The following RBMS3 variants were observed in gnomAD, a reference collection of about 807,000 sequenced individuals.
RBMS3 encodes RNA binding motif single stranded interacting protein 3.
A neutral mutation model predicts 66.8 loss-of-function variants in RBMS3; 27 were observed. The ratio of observed to expected loss-of-function variants is 0.40; its 90% CI spans 0.30 to 0.56. The LOEUF is 0.56. Ranked by LOEUF, RBMS3 falls within the 20% of genes least tolerant of loss-of-function variation. The pLI is 0.40. For synonymous variants in RBMS3, 188 were observed against 183.0 expected (o/e 1.03, Z -0.22); for missense variants, 513 against 549.5 (o/e 0.93, Z 0.66).
At chr3:30,003,330 G>C (rs1424621872) in intron 14 of RBMS3, among the ~76,000 whole-genome samples, 1 of 151,954 alleles carries the variant, frequency 6.6e-6, no homozygotes. Flanking sequence ...GTAAAATATA[G>C]TTCCTGCTCT....
chr3:29,593,686 A>T (rs531364880), intron 4 of RBMS3, among the ~76,000 whole-genome samples: 1 of 147,274 alleles, frequency 6.8e-6, no homozygotes, highest in African/African-American at 2.7e-5. Context: ...CCCCATGGGG[A>T]CAAGGGCTGT....
intron 3 of RBMS3, among the ~76,000 whole-genome samples, chr3:29,550,314 G>C (rs78554096): frequency 0.016 from 2,429 of 152,194 alleles, 27 homozygotes; most frequent in Admixed American, 0.036. Flanking sequence ...ACATTTCATA[G>C]GGCTGCCAGA....
chr3:29,564,796 C>G (rs545510135), intron 3 of RBMS3, among the ~76,000 whole-genome samples: 1 of 152,142 alleles, frequency 6.6e-6, no homozygotes, highest in Admixed American at 6.5e-5. Flanking sequence ...ATTCATCCTG[C>G]TGTAATGTGT....
At chr3:29,720,317 T>C (rs1439132673) in intron 4 of RBMS3, among the ~76,000 whole-genome samples, 1 of 152,202 alleles carries the variant, frequency 6.6e-6, no homozygotes, top group Non-Finnish European at 1.5e-5. Flanking sequence ...ATTTTCTCAT[T>C]TACTTGGGAA....
At chr3:29,962,796 G>A (rs976933117) in intron 12 of RBMS3, among the ~76,000 whole-genome samples, 1 of 151,870 alleles carries the variant, frequency 6.6e-6, no homozygotes, top group Non-Finnish European at 1.5e-5. Flanking sequence ...TCTCTCAACT[G>A]AGGCCCAAAT....
chr3:29,919,289 A>T (rs2060711130), intron 10 of RBMS3, among the ~76,000 whole-genome samples: 1 of 152,172 alleles, frequency 6.6e-6, no homozygotes, highest in South Asian at 2.1e-4. Context: ...TGAATTATCC[A>T]TCCATGGCAT....
chr3:29,484,275 C>A (rs916606205), intron 2 of RBMS3, among the ~76,000 whole-genome samples: 1 of 152,186 alleles, frequency 6.6e-6, no homozygotes, highest in African/African-American at 2.4e-5. Flanking sequence ...CAAAGTACCA[C>A]AGACTGGGTG....
chr3:29,826,237 T>A (rs1204884349), intron 6 of RBMS3, among the ~76,000 whole-genome samples: 1 of 152,196 alleles, frequency 6.6e-6, no homozygotes, highest in Admixed American at 6.5e-5. Context: ...CTTATGCCTT[T>A]ATAAGCTGTG....
At chr3:29,551,247 C>T (rs1315183766) in intron 3 of RBMS3, among the ~76,000 whole-genome samples, 1 of 152,056 alleles carries the variant, frequency 6.6e-6, no homozygotes, top group African/African-American at 2.4e-5. Flanking sequence ...TGAGATTTGT[C>T]CATCATCTCT....
intron 10 of RBMS3, among the ~76,000 whole-genome samples, chr3:29,910,114 A>G (rs1442161953): frequency 6.6e-6 from 1 of 152,112 alleles, no homozygotes; most frequent in African/African-American, 2.4e-5. Flanking sequence ...ATATAATTCA[A>G]ATAGAAATAA....
intron 5 of RBMS3, among the ~76,000 whole-genome samples, chr3:29,762,209 T>C (rs200653609): frequency 1.3e-5 from 2 of 152,276 alleles, no homozygotes; most frequent in East Asian, 3.9e-4. Context: ...CAAAATTCAA[T>C]ATTGAGAAAG....
chr3:29,826,753 A>G (rs945919375), intron 6 of RBMS3, among the ~76,000 whole-genome samples: 4 of 152,154 alleles, frequency 2.6e-5, no homozygotes, highest in African/African-American at 9.6e-5. Context: ...GATCACCTCC[A>G]TGTTGCCCAT....
chr3:29,991,194 C>A lies in RBMS3; in HGVS notation c.1292C>A (p.Ser431Tyr). Residue 431 changes from serine to tyrosine, a missense_variant, in exon 14 of 15, where the codon TCT (serine) becomes TAT (tyrosine). Transcript: ENST00000383767. ...DTSNEHAPAYSYQQSKP is the reference protein window; with the variant it reads ...DTSNEHAPAYYYQQSKP ...TCCAACGAACATGCACCTGCATATT[C>A]TTACCAACAGTCTAAGTAAGTCTGG... The A allele has an allele frequency of 6.2e-7, 1 of 1,614,174 alleles. No individual in the cohort carries two copies. The highest frequency in any genetic ancestry group is 8.5e-7 in the Non-Finnish European group (1 of 1,180,038).
chr3:29,432,495 A>G (rs2041245821), intron 1 of RBMS3, among the ~76,000 whole-genome samples: 1 of 152,228 alleles, frequency 6.6e-6, no homozygotes, highest in Non-Finnish European at 1.5e-5. Flanking sequence ...GGGTACTGCT[A>G]AAACTTGGCC....
At chr3:29,501,316 T>C (rs1453557028) in intron 3 of RBMS3, among the ~76,000 whole-genome samples, 1 of 152,184 alleles carries the variant, frequency 6.6e-6, no homozygotes, top group East Asian at 1.9e-4. Flanking sequence ...TCAGTCTATA[T>C]TTCCACTCTG....
intron 1 of RBMS3, among the ~76,000 whole-genome samples, chr3:29,413,095 G>A (rs939032621): frequency 1.4e-4 from 21 of 152,146 alleles, no homozygotes; most frequent in East Asian, 1.2e-3. Context: ...AGAAAGCCAG[G>A]CGCGGTGGCT....
At chr3:29,852,020 G>A (rs1050606479) in intron 6 of RBMS3, among the ~76,000 whole-genome samples, 3 of 152,002 alleles carry the variant, frequency 2.0e-5, no homozygotes, top group Non-Finnish European at 4.4e-5. Flanking sequence ...CAGAAATAAG[G>A]CCACACACTT....
chr3:29,967,574 C>T (rs774389858), intron 12 of RBMS3, among the ~76,000 whole-genome samples: 1 of 152,254 alleles, frequency 6.6e-6, no homozygotes, highest in Non-Finnish European at 1.5e-5. Context: ...GGATTACAGG[C>T]GTGAGCCACT....
intron 3 of RBMS3, among the ~76,000 whole-genome samples, chr3:29,517,173 A>G (rs1307888055): frequency 2.0e-5 from 3 of 151,886 alleles, no homozygotes; most frequent in Non-Finnish European, 4.4e-5. Flanking sequence ...TGGTTGCGTC[A>G]CTGCACTCCA....
Sources: allele counts gnomAD v4.1 joint callset (sites outside exome capture counted in the v4.1 genomes callset), GRCh38; gene constraint gnomAD v4.1.1; transcripts MANE v1.5; gene names NCBI Gene and HGNC (gene_info 2026-07-23, HGNC 2026-07-21).